Variants in RALYL observed in about 807,000 individuals in gnomAD.
The protein encoded by RALYL is RNA-binding Raly-like protein.
RALYL carries 29 observed loss-of-function variants against 35.1 expected under a neutral mutation model. The ratio of observed to expected loss-of-function variants is 0.83; its 90% CI spans 0.61 to 1.13. RALYL has a LOEUF of 1.13. Ranked by LOEUF, RALYL falls within the 50% of genes most tolerant of loss-of-function variation. RALYL has a pLI of 0.00. For missense variants in RALYL, 359 were observed against 360.4 expected (o/e 1.00, Z 0.03); for synonymous variants, 120 against 127.6 (o/e 0.94, Z 0.40).
chr8:84,312,089 G>A (rs1266304409), intron 1 of RALYL, among the ~76,000 whole-genome samples: 1 of 152,194 alleles, frequency 6.6e-6, no homozygotes, highest in Non-Finnish European at 1.5e-5. Context: ...GAAGGTGAAG[G>A]GGAAGCAAGG....
chr8:84,439,359 C>T (rs2048086646), intron 1 of RALYL, among the ~76,000 whole-genome samples: 2 of 152,130 alleles, frequency 1.3e-5, no homozygotes, highest in East Asian at 3.9e-4. Flanking sequence ...GTTCTCCTTT[C>T]TGCCTGGTAG....
chr8:84,610,643 C>T (rs926181692), intron 2 of RALYL, among the ~76,000 whole-genome samples: 4 of 152,072 alleles, frequency 2.6e-5, no homozygotes, highest in African/African-American at 9.7e-5. Flanking sequence ...TATGTTCTCT[C>T]CTTTAGAGAG....
chr8:84,542,061 C>A (rs1451157463), intron 2 of RALYL, among the ~76,000 whole-genome samples: 2 of 151,946 alleles, frequency 1.3e-5, no homozygotes, highest in Non-Finnish European at 2.9e-5. Flanking sequence ...GAATTTGTGT[C>A]TACAAGTTTG....
chr8:84,628,029 A>T (rs1344001107), intron 2 of RALYL, among the ~76,000 whole-genome samples: 1 of 152,200 alleles, frequency 6.6e-6, no homozygotes, highest in East Asian at 1.9e-4. Flanking sequence ...GGAATCTCAA[A>T]GTAATCTTTT....
intron 1 of RALYL, among the ~76,000 whole-genome samples, chr8:84,397,071 G>A (rs1171833509): frequency 6.6e-6 from 1 of 152,088 alleles, no homozygotes; most frequent in African/African-American, 2.4e-5. Context: ...TACAGTCCTA[G>A]TAAGAGGCAA....
At chr8:84,451,230 A>G (rs1165664924) in intron 1 of RALYL, among the ~76,000 whole-genome samples, 1 of 151,968 alleles carries the variant, frequency 6.6e-6, no homozygotes, top group Non-Finnish European at 1.5e-5. Flanking sequence ...TATTGGTGAA[A>G]TAAATATGTA....
chr8:84,333,888 G>T (rs377674140), intron 1 of RALYL, among the ~76,000 whole-genome samples: 55 of 144,156 alleles, frequency 3.8e-4, no homozygotes, highest in African/African-American at 1.3e-3. Flanking sequence ...ATTTTAACTT[G>T]TTTTTTTCCC....
chr8:84,722,259 T>C (rs981356254), intron 2 of RALYL, among the ~76,000 whole-genome samples: 1 of 152,094 alleles, frequency 6.6e-6, no homozygotes, highest in Non-Finnish European at 1.5e-5. Flanking sequence ...TGAATGTTCA[T>C]TTTATATTCT....
In RALYL at chr8:84,878,001, G is replaced by A. The variant is rs75881014; in HGVS notation, c.685+4604G>A. Among the ~76,000 whole-genome samples the A allele has an allele frequency of 8.6e-3, 1,314 of 152,208 alleles. 5 individuals are homozygous for A. Among genetic ancestry groups the A allele is most frequent in the Middle Eastern group, 0.031 (9 of 294 alleles). On this transcript the variant is annotated intron_variant, in intron 7 of 8. Coordinates refer to ENST00000521268, the MANE Select transcript of RALYL (RefSeq NM_173848.7). ...GAAAGGGTTTAGCAGCTGGACAGGAGGTATACCTAATTTAGCACATCCTAG... is the reference window on the plus strand; with the variant it reads ...GAAAGGGTTTAGCAGCTGGACAGGAAGTATACCTAATTTAGCACATCCTAG...
intron 1 of RALYL, among the ~76,000 whole-genome samples, chr8:84,253,367 T>A (rs1342625045): frequency 4.0e-5 from 6 of 148,898 alleles, no homozygotes; most frequent in Admixed American, 6.7e-5. Flanking sequence ...TTTTTGTATT[T>A]TTTTTTTTTT....
chr8:84,325,921 A>T (rs1382383963), intron 1 of RALYL, among the ~76,000 whole-genome samples: 2 of 152,020 alleles, frequency 1.3e-5, no homozygotes, highest in Non-Finnish European at 2.9e-5. Flanking sequence ...CTTGAGCTCA[A>T]GAGTTTGAGA....
chr8:84,363,078 G>A (rs1346892821), intron 1 of RALYL, among the ~76,000 whole-genome samples: 2 of 152,094 alleles, frequency 1.3e-5, no homozygotes, highest in African/African-American at 4.8e-5. Flanking sequence ...TTTTGGTGAT[G>A]GGCATGAAGT....
At chr8:84,826,613 A>C (rs1829770992) in intron 4 of RALYL, among the ~76,000 whole-genome samples, 1 of 152,122 alleles carries the variant, frequency 6.6e-6, no homozygotes, top group Non-Finnish European at 1.5e-5. Context: ...TAGTCATCCC[A>C]AAAGACAATC....
chr8:84,624,026 A>G (rs950582486), intron 2 of RALYL, among the ~76,000 whole-genome samples: 3 of 152,202 alleles, frequency 2.0e-5, no homozygotes, highest in African/African-American at 7.2e-5. Flanking sequence ...TTGACAGAAA[A>G]GAGTTGAAGT....
At chr8:84,422,031 T>A (rs1410333505) in intron 1 of RALYL, among the ~76,000 whole-genome samples, 2 of 152,146 alleles carry the variant, frequency 1.3e-5, no homozygotes, top group African/African-American at 4.8e-5. Flanking sequence ...TGTCTCTGCC[T>A]GACTTTGGTA....
At chr8:84,670,261 T>C (rs1832947825) in intron 2 of RALYL, among the ~76,000 whole-genome samples, 1 of 152,192 alleles carries the variant, frequency 6.6e-6, no homozygotes, top group Non-Finnish European at 1.5e-5. Context: ...CAAAGCTCTT[T>C]TGTTGTTTTT....
intron 2 of RALYL, among the ~76,000 whole-genome samples, chr8:84,677,602 T>C (rs1329278788): frequency 2.0e-5 from 3 of 152,148 alleles, no homozygotes; most frequent in African/African-American, 7.2e-5. Context: ...GTGATAAAAC[T>C]GGAAATAGAA....
chr8:84,740,480 AAG>A (rs2133043730), intron 2 of RALYL, among the ~76,000 whole-genome samples: 3 of 152,160 alleles, frequency 2.0e-5, no homozygotes, highest in African/African-American at 7.2e-5. Flanking sequence ...TAATCTTTAG[AAG>A]CTGTGAAAAG....
At chr8:84,886,265 CTGCTTATT>C (rs1159428745) in intron 7 of RALYL, among the ~76,000 whole-genome samples, 3 of 145,776 alleles carry the variant, frequency 2.1e-5, no homozygotes, top group African/African-American at 8.0e-5. Context: ...GAAAGAATAT[CTGCTTATT>C]TGCTTATTTG....
Sources: gnomAD v4.1 joint callset for allele counts (sites outside exome capture counted in the v4.1 genomes callset) on GRCh38, gnomAD v4.1.1 for gene constraint, MANE v1.5 for transcripts, NCBI Gene and HGNC (gene_info 2026-07-23, HGNC 2026-07-21) for gene names.